SPIDR: variants seen among roughly 807,000 people sequenced by gnomAD.
The protein encoded by SPIDR is DNA repair-scaffolding protein.
SPIDR carries 93 observed loss-of-function variants against 104.6 expected under a neutral mutation model. The observed-to-expected ratio is 0.89, with a 90% CI of 0.75 to 1.06. The LOEUF is 1.06. Ranked by LOEUF, SPIDR falls within the 50% of genes least tolerant of loss-of-function variation. The pLI, the probability that SPIDR is intolerant of heterozygous loss-of-function variation, is 0.00. For synonymous variants in SPIDR, 431 were observed against 416.9 expected, an observed-to-expected ratio of 1.03 and a Z score of -0.41; for missense variants, 1,154 against 1,111.2, an observed-to-expected ratio of 1.04 and a Z score of -0.55.
At chr8:47,718,868 A>T (rs2082963309) in intron 16 of SPIDR, among the ~76,000 whole-genome samples, 1 of 152,020 alleles carries the variant, frequency 6.6e-6, no homozygotes. Context: ...GCACAGATCA[A>T]CCCATCACCC....
chr8:47,571,638 C>T (rs1328492394), intron 8 of SPIDR, among the ~76,000 whole-genome samples: 1 of 152,082 alleles, frequency 6.6e-6, no homozygotes, highest in East Asian at 1.9e-4. Context: ...TATACTAGTG[C>T]CGCCTTATTC....
rs1351819196 is a variant in SPIDR, at chr8:47,596,021, G to T, written c.1293+15G>T. The T allele has an allele frequency of 1.9e-6, 3 of 1,599,026 alleles. No homozygotes were observed. The South Asian group carries it at 3.4e-5, about 18-fold the overall frequency. On this transcript the variant is annotated intron_variant, in intron 9 of 19. Transcript: ENST00000297423. ...CTGAAATCCAGGTAAACTCCTATTG[G>T]CCTAAAGGTTTTATGCTTGTAATAA...
At chr8:47,466,900 A>AAAAAAATAT (rs34970317) in intron 8 of SPIDR, among the ~76,000 whole-genome samples, 2 of 114,368 alleles carry the variant, frequency 1.7e-5, no homozygotes, top group African/African-American at 7.2e-5. Flanking sequence ...AAAAAAAAAA[A>AAAAAAATAT]ATATATATAT....
chr8:47,695,424 G>C (rs750507013), intron 11 of SPIDR, among the ~76,000 whole-genome samples: 1 of 152,120 alleles, frequency 6.6e-6, no homozygotes, highest in Non-Finnish European at 1.5e-5. Flanking sequence ...GTCCATCATG[G>C]GCCAGGTGCT....
At chr8:47,697,229 C>T (rs1329478298) in intron 11 of SPIDR, among the ~76,000 whole-genome samples, 1 of 151,164 alleles carries the variant, frequency 6.6e-6, no homozygotes, top group Non-Finnish European at 1.5e-5. Flanking sequence ...GGGTTGGCCT[C>T]AGTGAGCCAT....
chr8:47,662,524 T>G (rs1284462227), intron 10 of SPIDR, among the ~76,000 whole-genome samples: 1 of 152,222 alleles, frequency 6.6e-6, no homozygotes, highest in African/African-American at 2.4e-5. Flanking sequence ...GGACTCCCAC[T>G]GGGTCTAAGG....
chr8:47,729,235 C>G (rs2084812145), intron 18 of SPIDR, 177 bp from the exon 19 acceptor site: 1 of 1,439,644 alleles, frequency 6.9e-7, no homozygotes, highest in Non-Finnish European at 9.4e-7. Flanking sequence ...GAGGATGCAC[C>G]CTATGTGAAC....
chr8:47,510,164 C>T (rs1478886700), intron 8 of SPIDR, among the ~76,000 whole-genome samples: 2 of 152,050 alleles, frequency 1.3e-5, no homozygotes, highest in Non-Finnish European at 2.9e-5. Context: ...TCAGAAGTTG[C>T]CCAAAACCCA....
intron 8 of SPIDR, among the ~76,000 whole-genome samples, chr8:47,557,716 T>C (rs2091484432): frequency 6.6e-6 from 1 of 152,214 alleles, no homozygotes; most frequent in Non-Finnish European, 1.5e-5. Flanking sequence ...TATGTATAAG[T>C]AGACTCATCT....
intron 8 of SPIDR, among the ~76,000 whole-genome samples, chr8:47,444,541 C>T (rs1184894458): frequency 2.0e-5 from 3 of 152,170 alleles, no homozygotes; most frequent in Non-Finnish European, 4.4e-5. Context: ...ACTTAGTATT[C>T]CACTATATGG....
At chr8:47,570,963 C>T (rs755969060) in intron 8 of SPIDR, among the ~76,000 whole-genome samples, 2 of 150,512 alleles carry the variant, frequency 1.3e-5, no homozygotes, top group Admixed American at 6.6e-5. Context: ...TAGTGGTGGG[C>T]GCCTGTAGTC....
intron 11 of SPIDR, among the ~76,000 whole-genome samples, chr8:47,685,630 C>T (rs1339133605): frequency 6.6e-6 from 1 of 151,400 alleles, no homozygotes; most frequent in Non-Finnish European, 1.5e-5. Flanking sequence ...TCTCTGCTCA[C>T]TGCAACCTCC....
intron 5 of SPIDR, among the ~76,000 whole-genome samples, chr8:47,297,819 G>A (rs2041175654): frequency 6.6e-6 from 1 of 152,158 alleles, no homozygotes; most frequent in Non-Finnish European, 1.5e-5. Flanking sequence ...AGTATTCCAT[G>A]GTGAATATGT....
chr8:47,722,323 C>G (rs1350524654), intron 16 of SPIDR, among the ~76,000 whole-genome samples: 1 of 152,124 alleles, frequency 6.6e-6, no homozygotes, highest in Admixed American at 6.5e-5. Flanking sequence ...GAACAGTTTT[C>G]TTTCTTCCTT....
chr8:47,523,919 G>A (rs1017235197), intron 8 of SPIDR, among the ~76,000 whole-genome samples: 5 of 152,160 alleles, frequency 3.3e-5, no homozygotes, highest in African/African-American at 1.2e-4. Flanking sequence ...TCCCGTATGA[G>A]GTGAGGAGAT....
intron 2 of SPIDR, among the ~76,000 whole-genome samples, chr8:47,283,740 TA>T (rs1158494567): frequency 6.6e-6 from 1 of 152,230 alleles, no homozygotes; most frequent in Non-Finnish European, 1.5e-5. Flanking sequence ...GTATGAGTAG[TA>T]ATGAGTACCT....
chr8:47,688,016 AGTGTG>A (rs1336145784), intron 11 of SPIDR, among the ~76,000 whole-genome samples: 4 of 145,676 alleles, frequency 2.7e-5, no homozygotes, highest in African/African-American at 1.0e-4. Context: ...AAAAAAAAAA[AGTGTG>A]TGTGTGTGTG....
Position 47,440,472 on chromosome 8 carries a change from C to T in SPIDR, c.1027C>T (p.Leu343Phe), listed in dbSNP as rs2069197860. 1 of 1,614,232 alleles carries T rather than the reference C, an allele frequency of 6.2e-7. No homozygotes were observed. The highest frequency in any genetic ancestry group is 8.5e-7 in the Non-Finnish European group (1 of 1,180,028). ...CAGGCCTGGAGCTGGCCTGAAAGTT[C>T]TCTTCACCAAGGAGACTGCAGGCTA... is the stretch of plus-strand genomic sequence containing the variant. ...APRPGAGLKV[L>F]FTKETAGYLR... is the part of the protein sequence containing the mutation. Residue 343 changes from leucine to phenylalanine, a missense_variant, in exon 8 of 20, where the codon CTC becomes TTC. Transcript: ENST00000297423.
At chr8:47,535,088 G>T (rs1243664232) in intron 8 of SPIDR, among the ~76,000 whole-genome samples, 1 of 152,070 alleles carries the variant, frequency 6.6e-6, no homozygotes, top group African/African-American at 2.4e-5. Context: ...ACCAAAACTC[G>T]CACAAGGAGA....
Sources: gnomAD v4.1 joint callset for allele counts (sites outside exome capture counted in the v4.1 genomes callset) on GRCh38, gnomAD v4.1.1 for gene constraint, MANE v1.5 for transcripts, NCBI Gene and HGNC (gene_info 2026-07-23, HGNC 2026-07-21) for gene names.